Variants in SUPT3H observed in about 807,000 individuals in gnomAD.
SUPT3H encodes SPT3 homolog, SAGA and STAGA complex component.
SUPT3H carries 44 observed loss-of-function variants against 44.3 expected under a neutral mutation model. That is an observed-to-expected ratio of 0.99 (90% CI 0.78 to 1.28). The LOEUF (loss-of-function observed/expected upper bound fraction) is 1.28. Among genes scored for constraint, SUPT3H ranks in the 50% most tolerant of loss-of-function variants. The probability of loss-of-function intolerance (pLI) is 0.00; values close to 1 mark genes in which losing one functional copy is unlikely to be tolerated. For synonymous variants in SUPT3H, 124 were observed against 125.6 expected, an observed-to-expected ratio of 0.99 and a Z score of 0.09; for missense variants, 380 against 387.1, an observed-to-expected ratio of 0.98 and a Z score of 0.15.
chr6:44,885,220 C>T (rs1325938686), intron 10 of SUPT3H, among the ~76,000 whole-genome samples: 4 of 152,200 alleles, frequency 2.6e-5, no homozygotes, highest in African/African-American at 9.6e-5. Flanking sequence ...GCAGTAACCT[C>T]TGCAGACTTA....
chr6:44,865,573 G>A (rs1439646598), intron 10 of SUPT3H, among the ~76,000 whole-genome samples: 3 of 152,196 alleles, frequency 2.0e-5, no homozygotes, highest in African/African-American at 7.2e-5. Flanking sequence ...GAGAGAGAAT[G>A]AGCACCAAAT....
chr6:45,361,512 T>C (rs1054115527), intron 2 of SUPT3H: 1 of 152,224 alleles, frequency 6.6e-6, no homozygotes, highest in Non-Finnish European at 1.5e-5. Context: ...ATTAAAATTC[T>C]TAAGAAGTTT....
At chr6:45,352,459 G>A (rs1563005920) in intron 2 of SUPT3H, among the ~76,000 whole-genome samples, 1 of 152,038 alleles carries the variant, frequency 6.6e-6, no homozygotes, top group Admixed American at 6.6e-5. Flanking sequence ...AAGGAAAGAA[G>A]GTGAAACATT....
At chr6:45,051,353 G>A (rs1790274383) in intron 3 of SUPT3H, among the ~76,000 whole-genome samples, 1 of 152,042 alleles carries the variant, frequency 6.6e-6, no homozygotes, top group Admixed American at 6.6e-5. Context: ...CCTTAGAGAG[G>A]TAGGAAGCAC....
intron 3 of SUPT3H, among the ~76,000 whole-genome samples, chr6:45,046,646 T>C (rs1242979928): frequency 3.9e-5 from 6 of 152,216 alleles, no homozygotes; most frequent in Admixed American, 2.6e-4. Flanking sequence ...TGCTTTACTA[T>C]AGGTTTACAG....
At chr6:45,124,843 TG>T (rs1181155549) in intron 2 of SUPT3H, among the ~76,000 whole-genome samples, 1 of 151,956 alleles carries the variant, frequency 6.6e-6, no homozygotes, top group Non-Finnish European at 1.5e-5. Context: ...ACAGAGATAA[TG>T]AAGTTAAAAC....
chr6:45,210,574 T>C (rs192113681), intron 2 of SUPT3H, among the ~76,000 whole-genome samples: 4 of 152,300 alleles, frequency 2.6e-5, no homozygotes, highest in Non-Finnish European at 4.4e-5. Flanking sequence ...CACATATTGA[T>C]TGATATCTCA....
intron 3 of SUPT3H, among the ~76,000 whole-genome samples, chr6:45,069,954 C>T (rs184741890): frequency 1.3e-3 from 202 of 152,162 alleles, no homozygotes; most frequent in African/African-American, 4.6e-3. Context: ...TTCTAACTGC[C>T]AGAAGAGGAA....
In SUPT3H at chr6:44,983,430, A is replaced by G. The variant is rs917248159; in HGVS notation, c.504+20223T>C. ...AAGGCAGTGTGTACCTTCAGTAGGC[A>G]AGGAATGTGAACATACCTTTACATA... On this transcript the variant is annotated intron_variant, in intron 6 of 10. Coordinates refer to ENST00000371459, the MANE Select transcript of SUPT3H (RefSeq NM_003599.4). 3.9e-5 allele frequency among the ~76,000 whole-genome samples: 6 copies of G among 152,332 alleles called. No individual in the cohort carries two copies. In the East Asian group the frequency reaches 9.6e-4, roughly 24 times the overall value.
chr6:44,867,716 A>T (rs1775723330), intron 10 of SUPT3H, among the ~76,000 whole-genome samples: 1 of 152,134 alleles, frequency 6.6e-6, no homozygotes, highest in East Asian at 1.9e-4. Flanking sequence ...AACTTTCAAA[A>T]AAGCAAAGGC....
chr6:45,150,417 G>A (rs971863565), intron 2 of SUPT3H, among the ~76,000 whole-genome samples: 1 of 151,974 alleles, frequency 6.6e-6, no homozygotes, highest in South Asian at 2.1e-4. Context: ...GCTATCATAC[G>A]AAATACACAA....
intron 2 of SUPT3H, among the ~76,000 whole-genome samples, chr6:45,260,194 A>G (rs1358341393): frequency 5.9e-5 from 9 of 152,170 alleles, no homozygotes; most frequent in Non-Finnish European, 1.3e-4. Context: ...AGTTGACTCA[A>G]TCATTCCTTC....
At chr6:44,825,134 A>G (rs146859029), downstream of SUPT3H, among the ~76,000 whole-genome samples, 1,325 of 152,360 alleles carry the variant, frequency 8.7e-3, 7 homozygotes, top group Middle Eastern at 0.024. Flanking sequence ...GAAGCTTTGT[A>G]TACATGGATC....
At chr6:45,317,170 T>C (rs1196544402) in intron 2 of SUPT3H, among the ~76,000 whole-genome samples, 1 of 134,714 alleles carries the variant, frequency 7.4e-6, no homozygotes, top group Non-Finnish European at 1.5e-5. Flanking sequence ...GAGGTTGCAG[T>C]GAGTTGAGAT....
chr6:45,086,751 T>A (rs1173015572), intron 3 of SUPT3H, among the ~76,000 whole-genome samples: 2 of 151,998 alleles, frequency 1.3e-5, no homozygotes, highest in African/African-American at 4.8e-5. Context: ...GCATCACTGG[T>A]ACTGAAAATG....
intron 2 of SUPT3H, among the ~76,000 whole-genome samples, chr6:45,289,854 TTA>T (rs1780024739): frequency 6.6e-6 from 1 of 152,156 alleles, no homozygotes; most frequent in Admixed American, 6.5e-5. Context: ...GGAGACTGAA[TTA>T]TGATTGTTTT....
chr6:44,828,883 A>C lies in SUPT3H; in HGVS notation c.*933T>G, dbSNP rs1768114350. On this transcript the variant is annotated 3_prime_UTR_variant, in exon 11 of 11. Coordinates refer to ENST00000371459, the MANE Select transcript of SUPT3H (RefSeq NM_003599.4). ...ACTGAAGTTTAATCAGGAACTGTAC[A>C]ATTACATCTGCTATATTTTGGTTTG... is the stretch of plus-strand genomic sequence containing the variant. 6.6e-6 allele frequency: 1 copy of C among 152,636 alleles called. No individual in the cohort carries two copies. The highest frequency in any genetic ancestry group is 6.5e-5 in the Admixed American group (1 of 15,276). The allele number at this position is 152,636 out of a possible 1,614,324, so 9.5% of individuals were successfully genotyped here.
rs562278545 is a variant in SUPT3H at position 44,886,414 on chromosome 6, A to T, written c.912+46239T>A. Reference sequence around the variant, plus strand: ...GGGAAGCCCATCAGACTGACAGCTGATCTCTCGCCAGAAACTCCACAAGCC... The same window carrying T: ...GGGAAGCCCATCAGACTGACAGCTGTTCTCTCGCCAGAAACTCCACAAGCC... On this transcript the variant is annotated intron_variant, in intron 10 of 10. Transcript: ENST00000371459. Among the ~76,000 whole-genome samples, 9 of 152,326 alleles carry T rather than the reference A, an allele frequency of 5.9e-5. No homozygotes were observed. The East Asian group carries it at 1.7e-3, about 29-fold the overall frequency.
At position 45,249,613 on chromosome 6, in the gene SUPT3H, A is replaced by G. The variant is rs1342295920; in HGVS notation, c.101+115588T>C. ...GAACTCTGACAAAGTTCGGGACCTGAAGGCAGGGATCCACGGTGGCACTGA... is the reference window on the plus strand; with the variant it reads ...GAACTCTGACAAAGTTCGGGACCTGGAGGCAGGGATCCACGGTGGCACTGA... On this transcript the variant is annotated intron_variant, in intron 2 of 10. Coordinates refer to ENST00000371459, the MANE Select transcript of SUPT3H (RefSeq NM_003599.4). Among the ~76,000 whole-genome samples the G allele has an allele frequency of 4.6e-5, 7 of 152,316 alleles. No homozygotes were observed. In the South Asian group the frequency reaches 1.4e-3, roughly 32 times the overall value.
Sources: allele counts gnomAD v4.1 joint callset (sites outside exome capture counted in the v4.1 genomes callset), GRCh38; gene constraint gnomAD v4.1.1; transcripts MANE v1.5; gene names NCBI Gene and HGNC (gene_info 2026-07-23, HGNC 2026-07-21).